The following GABPA variants were observed in gnomAD, a reference collection of about 807,000 sequenced individuals.
The protein encoded by GABPA is GA-binding protein alpha chain.
Under a neutral mutation model 59.4 loss-of-function variants are expected in GABPA, and 4 were observed. The observed-to-expected ratio is 0.07, with a 90% CI of 0.03 to 0.15. The LOEUF (loss-of-function observed/expected upper bound fraction) is 0.15. GABPA is among the 10% of genes least tolerant of loss of function. The pLI, the probability that GABPA is intolerant of heterozygous loss-of-function variation, is 1.00. For synonymous variants in GABPA, 164 were observed against 183.1 expected (o/e 0.90, Z 0.84); for missense variants, 251 against 543.8 (o/e 0.46, Z 5.36).
intron 9 of GABPA, among the ~76,000 whole-genome samples, chr21:25,766,682 G>A (rs1049309976): frequency 1.3e-5 from 2 of 151,876 alleles, no homozygotes; most frequent in African/African-American, 4.8e-5. Flanking sequence ...CAATTTAAAA[G>A]ATTGCCAGAA....
intron 5 of GABPA, 170 bp downstream of exon 5, chr21:25,752,404 A>G: frequency 1.3e-6 from 1 of 748,242 alleles, no homozygotes; most frequent in Admixed American, 3.0e-5. Context: ...TGTGGTGGAC[A>G]AATTCTGTCC....
chr21:25,764,426 A>G (rs565022766), intron 8 of GABPA, 76 bp downstream of exon 8: 1 of 1,470,810 alleles, frequency 6.8e-7, no homozygotes. Context: ...TACTGTATGA[A>G]AAATGTGAAT....
At chr21:25,756,610 G>A (rs539118906) in intron 5 of GABPA, among the ~76,000 whole-genome samples, 12 of 152,270 alleles carry the variant, frequency 7.9e-5, no homozygotes, top group African/African-American at 2.4e-4. Flanking sequence ...TCTTGGCTGC[G>A]CTCAGGTTTT....
chr21:25,764,280 G>A lies in GABPA; in HGVS notation c.873G>A (p.Ala291=), dbSNP rs748327059. 10 of 1,612,238 alleles carry A rather than the reference G, an allele frequency of 6.2e-6. No individual in the cohort carries two copies. Among genetic ancestry groups the A allele is most frequent in the East Asian group, 2.2e-5 (1 of 44,844 alleles). The stretch of plus-strand genomic sequence containing the variant: ...CCATTAAAGTTATAAATAGTAGTGC[G>A]AAAGCAGCCAAAGTACAAAGAGCGC... The part of the protein sequence containing the change: ...PTTIKVINSS[A]KAAKVQRAPR... The change falls in exon 8 of 10, where the codon GCG becomes GCA. Residue 291 remains alanine, a synonymous_variant. Transcript: ENST00000400075.
chr21:25,742,628 A>G (rs1277119070), intron 2 of GABPA, among the ~76,000 whole-genome samples: 1 of 152,172 alleles, frequency 6.6e-6, no homozygotes, highest in Non-Finnish European at 1.5e-5. Context: ...AATGCGTAAC[A>G]TTCAGCCAGA....
At chr21:25,754,577 A>G (rs1162868959) in intron 5 of GABPA, among the ~76,000 whole-genome samples, 16 of 152,000 alleles carry the variant, frequency 1.1e-4, no homozygotes, top group African/African-American at 2.9e-4. Flanking sequence ...TATTGCCAAT[A>G]TCGTGTTTTC....
At chr21:25,743,957 T>C (rs2035292364) in intron 2 of GABPA, among the ~76,000 whole-genome samples, 1 of 148,282 alleles carries the variant, frequency 6.7e-6, no homozygotes, top group South Asian at 2.1e-4. Flanking sequence ...GGCAGGAGAA[T>C]CGCTTGAACT....
rs1359002931 is a variant in GABPA at position 25,770,430 on chromosome 21, A to G, written c.*1198A>G. 2 of 152,152 alleles carry G rather than the reference A, an allele frequency of 1.3e-5. No homozygotes were observed. The highest frequency in any genetic ancestry group is 4.8e-5 in the African/African-American group (2 of 41,474). The allele number at this position is 152,152 out of a possible 1,614,324, so 9.4% of individuals were successfully genotyped here. A position where few individuals can be genotyped will look rare whatever the true frequency, so the allele number is the denominator to read the frequency against. ...AAGATTCAAATTAACTAATTCCTGC[A>G]TATATGACATTCCTTACATAAGCGA... On this transcript the variant is annotated 3_prime_UTR_variant, in exon 10 of 10. Coordinates refer to ENST00000400075, the MANE Select transcript of GABPA (RefSeq NM_002040.4).
intron 1 of GABPA, chr21:25,735,786 AG>A (rs1432487982): frequency 1.3e-4 from 1 of 7,592 alleles, no homozygotes; most frequent in African/African-American, 5.3e-4. Flanking sequence ...AGCGAAGGGG[AG>A]GGGCGGGGGG....
chr21:25,746,613 T>A (rs2035372221), intron 3 of GABPA, among the ~76,000 whole-genome samples: 1 of 152,156 alleles, frequency 6.6e-6, no homozygotes, highest in South Asian at 2.1e-4. Context: ...TAATTGGTGG[T>A]GGGTAGGGAA....
In GABPA at chr21:25,735,972, GCAGACC is replaced by G. The variant is rs925869232; in HGVS notation, c.-27+396_-27+401del. Among the ~76,000 whole-genome samples, 10 of 152,162 alleles carry G rather than the reference GCAGACC, an allele frequency of 6.6e-5. 1 individual carries two copies. Among genetic ancestry groups the G allele is most frequent in the Admixed American group, 5.2e-4 (8 of 15,276 alleles). On this transcript the variant is annotated intron_variant, in intron 1 of 9. Coordinates refer to ENST00000400075, the MANE Select transcript of GABPA (RefSeq NM_002040.4). ...GCCCCCGAGATTTTAAGAGCAAAAT[GCAGACC>G]CTGTCTCATCGCGGGACTCAGCGAT...
chr21:25,759,201 C>A (rs1220625516), intron 6 of GABPA, among the ~76,000 whole-genome samples: 7 of 152,192 alleles, frequency 4.6e-5, no homozygotes, highest in Non-Finnish European at 8.8e-5. Flanking sequence ...GAAAGCAACC[C>A]ATTCCTTGAC....
intron 5 of GABPA, among the ~76,000 whole-genome samples, chr21:25,754,956 C>T (rs2035598469): frequency 6.6e-6 from 1 of 151,824 alleles, no homozygotes. Context: ...GAGGCTGAGG[C>T]ACAAGAATCT....
At chr21:25,743,637 A>G (rs1403214296) in intron 2 of GABPA, among the ~76,000 whole-genome samples, 1 of 151,788 alleles carries the variant, frequency 6.6e-6, no homozygotes, top group Non-Finnish European at 1.5e-5. Flanking sequence ...GAGGTCTTCC[A>G]AGGTTTAAAT....
chr21:25,747,300 T>C (rs1258622832), intron 3 of GABPA, among the ~76,000 whole-genome samples: 1 of 152,254 alleles, frequency 6.6e-6, no homozygotes, highest in African/African-American at 2.4e-5. Flanking sequence ...ACTTGATCTC[T>C]TAGTTGTCTT....
intron 7 of GABPA, among the ~76,000 whole-genome samples, chr21:25,763,837 A>C (rs1043023021): frequency 6.6e-6 from 1 of 152,148 alleles, no homozygotes; most frequent in Admixed American, 6.6e-5. Context: ...CCAGATTCTC[A>C]AAGTGGTGGT....
rs781304579 is a variant in GABPA at position 25,764,798 on chromosome 21, ATTACT to A, written c.1136+14_1136+18del. Reference sequence around the variant, plus strand: ...CAGTCGTGCATTAAGGTAAGCCTTTATTACTTTTTTTTCTGTTATCAAAAATAGAA... The same window carrying A: ...CAGTCGTGCATTAAGGTAAGCCTTTATTTTTTTCTGTTATCAAAAATAGAA... On this transcript the variant is annotated intron_variant, in intron 9 of 9. Transcript: ENST00000400075. 6.6e-7 allele frequency: 1 copy of A among 1,518,098 alleles called. No homozygotes were observed. Among genetic ancestry groups the A allele is most frequent in the Non-Finnish European group, 8.8e-7 (1 of 1,138,990 alleles). The allele number at this position is 1,518,098 out of a possible 1,614,324, so 94.0% of individuals were successfully genotyped here.
chr21:25,735,203 GCTCCCCTC>G lies in GABPA; in HGVS notation c.-400_-393del, dbSNP rs1489264919. On this transcript the variant is annotated 5_prime_UTR_variant, in exon 1 of 10. An upstream open reading frame in the 5' UTR loses its in-frame stop. Coordinates refer to ENST00000400075, the MANE Select transcript of GABPA (RefSeq NM_002040.4). ...TTGAGTGGCCTTTCCCCTAGTTCAA[GCTCCCCTC>G]CGAGTCAGCGTCCTGTTCGTTAGGG... 3.4e-6 allele frequency: 2 copies of G among 594,372 alleles called. No homozygotes were observed. Among genetic ancestry groups the G allele is most frequent in the Non-Finnish European group, 6.0e-6 (2 of 331,112 alleles). 36.8% of individuals were successfully genotyped at this position (594,372 alleles called of 1,614,324 possible).
chr21:25,768,310 C>T (rs71651657), intron 9 of GABPA, among the ~76,000 whole-genome samples: 2 of 151,870 alleles, frequency 1.3e-5, no homozygotes, highest in Non-Finnish European at 2.9e-5. Flanking sequence ...ACTTAAAGCT[C>T]CCTATTGGGC....
Sources: allele counts gnomAD v4.1 joint callset (sites outside exome capture counted in the v4.1 genomes callset), GRCh38; gene constraint gnomAD v4.1.1; transcripts MANE v1.5; gene names NCBI Gene and HGNC (gene_info 2026-07-23, HGNC 2026-07-21).